ESRRG: variants seen among roughly 807,000 people sequenced by gnomAD.
The protein encoded by ESRRG is estrogen-related receptor gamma.
ESRRG carries 13 observed loss-of-function variants against 44.0 expected under a neutral mutation model. The ratio of observed to expected loss-of-function variants is 0.30; its 90% CI spans 0.19 to 0.47. The LOEUF is 0.47. Ranked by LOEUF, ESRRG falls within the 20% of genes least tolerant of loss-of-function variation. ESRRG has a pLI of 1.00. For synonymous variants in ESRRG, 215 were observed against 214.6 expected, an observed-to-expected ratio of 1.00 and a Z score of -0.02; for missense variants, 395 against 580.6, an observed-to-expected ratio of 0.68 and a Z score of 3.29.
intron 5 of ESRRG, among the ~76,000 whole-genome samples, chr1:216,542,172 G>T (rs2377098): frequency 0.4 from 60,786 of 150,394 alleles, 12,384 homozygotes; most frequent in Admixed American, 0.46. Flanking sequence ...TTTTCATCTG[G>T]TTTATAAAGG....
At chr1:216,751,339 T>G (rs553857753) in intron 2 of ESRRG, among the ~76,000 whole-genome samples, 1 of 152,102 alleles carries the variant, frequency 6.6e-6, no homozygotes, top group Non-Finnish European at 1.5e-5. Flanking sequence ...AGGGACAAAA[T>G]CTTAGGGACT....
At chr1:216,622,567 C>A (rs890745858) in intron 3 of ESRRG, among the ~76,000 whole-genome samples, 1 of 151,394 alleles carries the variant, frequency 6.6e-6, no homozygotes, top group Non-Finnish European at 1.5e-5. Context: ...AGGTATGTTT[C>A]TTCTTTTTAT....
intron 5 of ESRRG, among the ~76,000 whole-genome samples, chr1:216,550,041 G>A (rs11572795): frequency 0.095 from 14,401 of 152,024 alleles, 1,004 homozygotes; most frequent in African/African-American, 0.2. Context: ...TTGTGGGGAC[G>A]TTGTTAGAAG....
At chr1:216,621,987 T>G (rs560329385) in intron 3 of ESRRG, among the ~76,000 whole-genome samples, 2 of 152,300 alleles carry the variant, frequency 1.3e-5, no homozygotes, top group South Asian at 4.1e-4. Context: ...GACGTGCACT[T>G]GTGACTTCCC....
At chr1:216,728,307 G>T (rs2087969625), upstream of ESRRG, among the ~76,000 whole-genome samples, 1 of 152,174 alleles carries the variant, frequency 6.6e-6, no homozygotes, top group Non-Finnish European at 1.5e-5. Flanking sequence ...TGAGGCAGCT[G>T]TAATATTATG....
At chr1:216,587,620 T>C (rs115488178) in intron 3 of ESRRG, among the ~76,000 whole-genome samples, 88 of 152,298 alleles carry the variant, frequency 5.8e-4, no homozygotes, top group African/African-American at 2.0e-3. Flanking sequence ...AGAAGACTTG[T>C]CTCCCTTCCC....
chr1:216,642,381 T>C (rs1475290120), intron 3 of ESRRG, among the ~76,000 whole-genome samples: 1 of 152,088 alleles, frequency 6.6e-6, no homozygotes, highest in African/African-American at 2.4e-5. Flanking sequence ...AGACTGACTA[T>C]TCAAGTTTCA....
At chr1:216,820,819 G>A (rs2095269926) in intron 2 of ESRRG, among the ~76,000 whole-genome samples, 1 of 152,180 alleles carries the variant, frequency 6.6e-6, no homozygotes, top group Admixed American at 6.6e-5. Flanking sequence ...GTAAAAGTTT[G>A]CTAACCTTTA....
chr1:216,630,243 T>C (rs1370223529), intron 3 of ESRRG, among the ~76,000 whole-genome samples: 2 of 152,168 alleles, frequency 1.3e-5, no homozygotes, highest in African/African-American at 4.8e-5. Flanking sequence ...TTTGTTTCAT[T>C]CATTCTCTGG....
intron 1 of ESRRG, among the ~76,000 whole-genome samples, chr1:217,039,179 G>T (rs1368380659): frequency 6.6e-6 from 1 of 152,182 alleles, no homozygotes; most frequent in African/African-American, 2.4e-5. Flanking sequence ...TCTCCAGGAA[G>T]TTCCAAACTT....
intron 2 of ESRRG, among the ~76,000 whole-genome samples, chr1:216,902,415 G>A (rs2149493558): frequency 6.6e-6 from 1 of 151,996 alleles, no homozygotes; most frequent in East Asian, 1.9e-4. Context: ...CTTGAACCCA[G>A]GAGGCAGAGG....
intron 3 of ESRRG, among the ~76,000 whole-genome samples, chr1:216,591,427 TA>T (rs1263701128): frequency 2.0e-5 from 3 of 152,188 alleles, no homozygotes; most frequent in Admixed American, 2.0e-4. Context: ...GACCTGTTGC[TA>T]GTAGCATTGT....
intron 1 of ESRRG, among the ~76,000 whole-genome samples, chr1:216,680,438 A>T (rs540799211): frequency 2.8e-4 from 42 of 152,286 alleles, no homozygotes; most frequent in African/African-American, 9.1e-4. Context: ...GTGTTTATTT[A>T]CTCAATTTTA....
At chr1:216,817,072 A>AG (rs397967386) in intron 2 of ESRRG, among the ~76,000 whole-genome samples, 16 of 151,626 alleles carry the variant, frequency 1.1e-4, no homozygotes, top group African/African-American at 3.9e-4. Context: ...AAAAAAAAAA[A>AG]CACAGGTTTT....
At chr1:216,615,998 T>C (rs1427224168) in intron 3 of ESRRG, among the ~76,000 whole-genome samples, 1 of 152,144 alleles carries the variant, frequency 6.6e-6, no homozygotes, top group Non-Finnish European at 1.5e-5. Flanking sequence ...CTTGCCTATT[T>C]CTAGGCAAGG....
intron 1 of ESRRG, among the ~76,000 whole-genome samples, chr1:217,039,586 C>A (rs1415973874): frequency 3.3e-5 from 5 of 152,156 alleles, no homozygotes; most frequent in Admixed American, 1.3e-4. Context: ...GACCTGCCCC[C>A]ATGATTCAGT....
At chr1:217,065,809 A>C (rs1343677806) in intron 1 of ESRRG, among the ~76,000 whole-genome samples, 3 of 152,224 alleles carry the variant, frequency 2.0e-5, no homozygotes, top group African/African-American at 7.2e-5. Context: ...TTATGATGGC[A>C]GTCCTCGTTT....
chr1:216,878,695 C>G (rs890128972), intron 2 of ESRRG, among the ~76,000 whole-genome samples: 1 of 152,118 alleles, frequency 6.6e-6, no homozygotes, highest in African/African-American at 2.4e-5. Context: ...CTTTAGTAAA[C>G]GTTTCACAAT....
intron 1 of ESRRG, among the ~76,000 whole-genome samples, 198 bp downstream of exon 1, chr1:216,723,046 T>C (rs2086688956): frequency 6.6e-6 from 1 of 152,132 alleles, no homozygotes; most frequent in Non-Finnish European, 1.5e-5. Context: ...GGTAACATTG[T>C]AGTCAGAGAA....
Sources: allele counts gnomAD v4.1 joint callset (sites outside exome capture counted in the v4.1 genomes callset), GRCh38; gene constraint gnomAD v4.1.1; transcripts MANE v1.5; gene names NCBI Gene and HGNC (gene_info 2026-07-23, HGNC 2026-07-21).